Variants in PIBF1 observed in about 807,000 individuals in gnomAD.
PIBF1 encodes progesterone immunomodulatory binding factor 1.
Under a neutral mutation model 112.5 loss-of-function variants are expected in PIBF1, and 90 were observed. That is an observed-to-expected ratio of 0.80 (90% CI 0.67 to 0.95). The LOEUF (loss-of-function observed/expected upper bound fraction) is 0.95. Among genes scored for constraint, PIBF1 ranks in the 40% least tolerant of loss-of-function variants. PIBF1 has a pLI of 0.00. For synonymous variants in PIBF1, 301 were observed against 288.6 expected, an observed-to-expected ratio of 1.04 and a Z score of -0.44; for missense variants, 915 against 852.3, an observed-to-expected ratio of 1.07 and a Z score of -0.92.
chr13:72,872,098 C>T (rs1323319679), intron 10 of PIBF1, among the ~76,000 whole-genome samples: 12 of 152,230 alleles, frequency 7.9e-5, no homozygotes, highest in Non-Finnish European at 7.4e-5. Context: ...GTTACTTAAC[C>T]TCTATGTCTC....
At chr13:72,830,004 A>C (rs2037023711) in intron 8 of PIBF1, among the ~76,000 whole-genome samples, 1 of 152,128 alleles carries the variant, frequency 6.6e-6, no homozygotes. Context: ...CATCCCTTGT[A>C]AGTTATATTC....
intron 14 of PIBF1, among the ~76,000 whole-genome samples, chr13:72,934,887 G>T (rs2041818677): frequency 6.6e-6 from 1 of 151,946 alleles, no homozygotes; most frequent in Admixed American, 6.6e-5. Context: ...TGGAATTCTT[G>T]CCTCCCAACC....
chr13:72,812,725 A>G (rs7988878), intron 5 of PIBF1, among the ~76,000 whole-genome samples: 90,503 of 151,574 alleles, frequency 0.6, 27,678 homozygotes, highest in East Asian at 0.76. Flanking sequence ...CAGAGGTTGC[A>G]GTGAGCCAAG....
chr13:72,813,997 A>G (rs763582107), intron 5 of PIBF1, among the ~76,000 whole-genome samples: 12 of 152,134 alleles, frequency 7.9e-5, no homozygotes, highest in Non-Finnish European at 1.5e-4. Context: ...CCTCACCCCA[A>G]ATAAGGTGGA....
intron 13 of PIBF1, among the ~76,000 whole-genome samples, chr13:72,923,054 A>G (rs1396098045): frequency 1.3e-5 from 2 of 152,146 alleles, no homozygotes; most frequent in Non-Finnish European, 2.9e-5. Flanking sequence ...TAGAGACAGG[A>G]CTCTGATCTA....
intron 16 of PIBF1, among the ~76,000 whole-genome samples, chr13:72,982,859 ACTT>A (rs1241030481): frequency 6.6e-6 from 1 of 152,204 alleles, no homozygotes; most frequent in Non-Finnish European, 1.5e-5. Flanking sequence ...CTTACATACT[ACTT>A]TTACATACAA....
chr13:72,818,818 G>A (rs9573039), intron 5 of PIBF1, among the ~76,000 whole-genome samples: 41,759 of 150,218 alleles, frequency 0.28, 6,835 homozygotes, highest in East Asian at 0.48. Context: ...GCAGTAACAA[G>A]CACTGTCAGT....
intron 16 of PIBF1, among the ~76,000 whole-genome samples, chr13:72,976,529 AT>A (rs1355113880): frequency 6.6e-6 from 1 of 152,214 alleles, no homozygotes; most frequent in Non-Finnish European, 1.5e-5. Context: ...ATAATTTAAC[AT>A]TGTATAGCTT....
At chr13:72,830,332 G>A (rs1306764908) in intron 8 of PIBF1, among the ~76,000 whole-genome samples, 1 of 152,108 alleles carries the variant, frequency 6.6e-6, no homozygotes, top group Non-Finnish European at 1.5e-5. Flanking sequence ...AGGGGTGAGA[G>A]AGGGCATCCT....
intron 17 of PIBF1, among the ~76,000 whole-genome samples, chr13:73,004,882 T>A (rs900323451): frequency 2.6e-4 from 40 of 152,204 alleles, no homozygotes; most frequent in African/African-American, 8.9e-4. Flanking sequence ...ATACCACTGA[T>A]ATGTACATTT....
chr13:72,824,547 G>A (rs2036713533), intron 6 of PIBF1, among the ~76,000 whole-genome samples: 1 of 151,834 alleles, frequency 6.6e-6, no homozygotes, highest in South Asian at 2.1e-4. Flanking sequence ...CAGTTCAGTG[G>A]TAATAAATAT....
intron 13 of PIBF1, among the ~76,000 whole-genome samples, chr13:72,920,244 T>A (rs2041241685): frequency 6.6e-6 from 1 of 152,244 alleles, no homozygotes; most frequent in South Asian, 2.1e-4. Context: ...ATGTGCCTAA[T>A]GGGCATGCTA....
chr13:72,972,059 G>A (rs2042909409), intron 15 of PIBF1, among the ~76,000 whole-genome samples: 1 of 144,680 alleles, frequency 6.9e-6, no homozygotes, highest in Non-Finnish European at 1.5e-5. Context: ...TTTTTTGAGA[G>A]AGCCTCACTC....
At chr13:72,987,802 A>G (rs964903874) in intron 16 of PIBF1, among the ~76,000 whole-genome samples, 10 of 144,614 alleles carry the variant, frequency 6.9e-5, no homozygotes, top group East Asian at 2.0e-4. Flanking sequence ...ATGAGCCACC[A>G]TGCCTGGCCT....
intron 5 of PIBF1, among the ~76,000 whole-genome samples, chr13:72,817,970 G>A (rs2036365711): frequency 1.3e-5 from 2 of 152,104 alleles, no homozygotes; most frequent in Non-Finnish European, 2.9e-5. Flanking sequence ...TGTAAATAAA[G>A]TGCTGGTCGA....
At chr13:72,898,088 G>A (rs2040348268) in intron 11 of PIBF1, among the ~76,000 whole-genome samples, 1 of 152,068 alleles carries the variant, frequency 6.6e-6, no homozygotes, top group South Asian at 2.1e-4. Context: ...ATAAATTTAA[G>A]AAAATTGAAA....
intron 13 of PIBF1, among the ~76,000 whole-genome samples, chr13:72,927,946 T>TATATATATATAC (rs1566457528): frequency 2.5e-4 from 14 of 56,670 alleles, no homozygotes; most frequent in African/African-American, 1.6e-3. Context: ...TATATGTGTG[T>TATATATATATAC]ATATATATAT....
intron 16 of PIBF1, among the ~76,000 whole-genome samples, chr13:72,979,195 A>C (rs920651835): frequency 6.6e-6 from 1 of 152,188 alleles, no homozygotes; most frequent in Non-Finnish European, 1.5e-5. Context: ...TGTCTTTTAG[A>C]AAAAGAGAAA....
intron 9 of PIBF1, among the ~76,000 whole-genome samples, chr13:72,847,963 A>G (rs904100745): frequency 3.9e-5 from 6 of 152,244 alleles, no homozygotes; most frequent in Admixed American, 6.5e-5. Context: ...AGCCTGTCAT[A>G]TAAAACAGCC....
Sources: gnomAD v4.1 joint callset for allele counts (sites outside exome capture counted in the v4.1 genomes callset) on GRCh38, gnomAD v4.1.1 for gene constraint, MANE v1.5 for transcripts, NCBI Gene and HGNC (gene_info 2026-07-23, HGNC 2026-07-21) for gene names.